Variants in PIP5K1C observed in about 807,000 individuals in gnomAD.
PIP5K1C encodes phosphatidylinositol 4-phosphate 5-kinase type-1 gamma.
Under a neutral mutation model 80.1 loss-of-function variants are expected in PIP5K1C, and 45 were observed. The observed-to-expected ratio is 0.56, with a 90% CI of 0.44 to 0.72. The LOEUF (loss-of-function observed/expected upper bound fraction) is 0.72. Among genes scored for constraint, PIP5K1C ranks in the 30% least tolerant of loss-of-function variants. The pLI, the probability that PIP5K1C is intolerant of heterozygous loss-of-function variation, is 0.00. For synonymous variants in PIP5K1C, 498 were observed against 420.1 expected, an observed-to-expected ratio of 1.19 and a Z score of -2.27; for missense variants, 753 against 954.6, an observed-to-expected ratio of 0.79 and a Z score of 2.78.
rs1599972034 is a variant in PIP5K1C at position 3,653,668 on chromosome 19, CAG to C, written c.622-81_622-80del. ...GGGCGGGCAAAGCAGGCCTCTGCCTCAGGGGGCTCATGGATGCCCCTGGCCAG... is the reference window on the plus strand; with the variant it reads ...GGGCGGGCAAAGCAGGCCTCTGCCTCGGGGCTCATGGATGCCCCTGGCCAG... On this transcript the variant is annotated intron_variant, in intron 6 of 17. Transcript: ENST00000335312. 2.9e-6 allele frequency: 4 copies of C among 1,359,132 alleles called. No individual in the cohort carries two copies. In the African/African-American group the frequency reaches 4.3e-5, roughly 15 times the overall value. 84.2% of individuals were successfully genotyped at this position (1,359,132 alleles called of 1,614,324 possible). A position where few individuals can be genotyped will look rare whatever the true frequency, so the allele number is the denominator to read the frequency against.
chr19:3,687,102 A>T (rs1264471201), intron 1 of PIP5K1C, among the ~76,000 whole-genome samples: 1 of 152,168 alleles, frequency 6.6e-6, no homozygotes, highest in Non-Finnish European at 1.5e-5. Flanking sequence ...CTGAAGAAGA[A>T]GATTGGCTTG....
rs1300629422 is a variant in PIP5K1C at position 3,646,098 on chromosome 19, G to A, written c.1261-40C>T. The A allele has an allele frequency of 5.4e-6, 7 of 1,306,686 alleles. No individual in the cohort carries two copies. In the South Asian group the frequency reaches 7.1e-5, roughly 13 times the overall value. 80.9% of individuals were successfully genotyped at this position (1,306,686 alleles called of 1,614,324 possible). A position where few individuals can be genotyped will look rare whatever the true frequency, so the allele number is the denominator to read the frequency against. ...GGGGGGGTGCCCGGGGGCAGAGGGT[G>A]CATCAATCAACAGCTGGGGACAGCC... On this transcript the variant is annotated intron_variant, in intron 10 of 17. Coordinates refer to ENST00000335312, the MANE Select transcript of PIP5K1C (RefSeq NM_012398.3).
chr19:3,647,458 A>G (rs1026299143), intron 9 of PIP5K1C, 72 bp from the exon 10 acceptor site: 1 of 1,274,884 alleles, frequency 7.8e-7, no homozygotes, highest in Admixed American at 2.0e-5. Context: ...CTCAGGGGCC[A>G]CTGTGCACCC....
At chr19:3,685,266 T>C (rs1373254510) in intron 1 of PIP5K1C, among the ~76,000 whole-genome samples, 4 of 152,202 alleles carry the variant, frequency 2.6e-5, no homozygotes, top group African/African-American at 9.6e-5. Flanking sequence ...ATTTCTAATG[T>C]GTGTGCCCTT....
Position 3,648,759 on chromosome 19 carries a change from G to GGGGCAGGCGGGGCTGGGGACTCC in PIP5K1C, c.1128-74_1128-52dup, listed in dbSNP as rs1207678759. ...TCAGCATCCCGCAGAGCTGGGACTC[G>GGGGCAGGCGGGGCTGGGGACTCC]GGGCAGGCGGGGCTGGGGACTCCAG... On this transcript the variant is annotated intron_variant, in intron 8 of 17. Coordinates refer to ENST00000335312, the MANE Select transcript of PIP5K1C (RefSeq NM_012398.3). The surrounding 1 kb of genome is among the most constrained non-coding windows in gnomAD (Gnocchi z 4.3). 5 of 1,500,338 alleles carry GGGGCAGGCGGGGCTGGGGACTCC rather than the reference G, an allele frequency of 3.3e-6. No homozygotes were observed. In the African/African-American group the frequency reaches 6.9e-5, roughly 21 times the overall value. The allele number at this position is 1,500,338 out of a possible 1,614,324, so 92.9% of individuals were successfully genotyped here.
intron 1 of PIP5K1C, 30 bp downstream of exon 1, chr19:3,700,267 G>T: frequency 8.5e-7 from 1 of 1,179,704 alleles, no homozygotes; most frequent in Non-Finnish European, 1.1e-6. Flanking sequence ...GAGCCCAGCG[G>T]GCCGCAGCCC....
Position 3,653,379 on chromosome 19 carries a change from G to A in PIP5K1C, c.832C>T (p.Leu278=). 1 of 1,612,778 alleles carries A rather than the reference G, an allele frequency of 6.2e-7. No individual in the cohort carries two copies. The highest frequency in any genetic ancestry group is 1.6e-4 in the Middle Eastern group (1 of 6,062). Residue 278 remains leucine (L), a synonymous_variant, in exon 7 of 18, where the codon CTG becomes TTG. Transcript: ENST00000335312. The part of the protein sequence containing the change: ...KEKSFPTYKD[L]DFMQDMPEGL... ...TCGGGCATGTCCTGCATGAAGTCCA[G>A]GTCCTTGTAGGTGGGGAAGCTCTTC... is the stretch of plus-strand genomic sequence containing the variant.
rs138081265 is a variant in PIP5K1C, at chr19:3,637,462, C to T, written c.1920+1422G>A. Reference sequence around the variant, plus strand: ...TGACGTCAGACACTGAGCTTCCGGCCGGGGACCTGCGGCTCCCTGCTGCCC... The same window carrying T: ...TGACGTCAGACACTGAGCTTCCGGCTGGGGACCTGCGGCTCCCTGCTGCCC... On this transcript the variant is annotated intron_variant, in intron 16 of 17. Transcript: ENST00000335312. This position sits in a 1 kb window ranked among gnomAD's most constrained non-coding sequence, Gnocchi z 7.0. 29 of 1,535,556 alleles carry T rather than the reference C, an allele frequency of 1.9e-5. No homozygotes were observed. The highest frequency in any genetic ancestry group is 1.7e-4 in the Middle Eastern group (1 of 6,012).
intron 1 of PIP5K1C, among the ~76,000 whole-genome samples, chr19:3,685,431 C>G (rs2035728602): frequency 6.6e-6 from 1 of 152,144 alleles, no homozygotes; most frequent in Admixed American, 6.6e-5. Context: ...ACACAGCCCA[C>G]TAAAGAAAGT....
In PIP5K1C at chr19:3,648,270, G is replaced by A. The variant is rs776538329; in HGVS notation, c.1211+355C>T. Among the ~76,000 whole-genome samples, 16 of 152,140 alleles carry A rather than the reference G, an allele frequency of 1.1e-4. No homozygotes were observed. Among genetic ancestry groups the A allele is most frequent in the African/African-American group, 3.4e-4 (14 of 41,420 alleles). Reference sequence around the variant, plus strand: ...ACTCCTGGGCTCAAGCAATCCTCCCGCCTCGGCCTCCCACAGTGCTAGATT... The same window carrying A: ...ACTCCTGGGCTCAAGCAATCCTCCCACCTCGGCCTCCCACAGTGCTAGATT... On this transcript the variant is annotated intron_variant, in intron 9 of 17. Coordinates refer to ENST00000335312, the MANE Select transcript of PIP5K1C (RefSeq NM_012398.3). The surrounding 1 kb of genome is among the most constrained non-coding windows in gnomAD (Gnocchi z 4.3).
intron 1 of PIP5K1C, among the ~76,000 whole-genome samples, chr19:3,678,915 T>C (rs1264056081): frequency 4.3e-5 from 3 of 69,710 alleles, no homozygotes; most frequent in Non-Finnish European, 8.4e-5. Context: ...GAGGAAGGGA[T>C]GGAGGGATGG....
intron 1 of PIP5K1C, among the ~76,000 whole-genome samples, chr19:3,680,542 T>C (rs1433023097): frequency 6.6e-6 from 1 of 152,208 alleles, no homozygotes; most frequent in Non-Finnish European, 1.5e-5. Context: ...CCTCAGGTGA[T>C]CCACTCACTT....
intron 7 of PIP5K1C, 119 bp downstream of exon 7, chr19:3,653,171 G>A: frequency 2.3e-6 from 2 of 851,358 alleles, no homozygotes; most frequent in South Asian, 3.1e-5. Flanking sequence ...GCCTGCTGTA[G>A]GCTGCAGGGC....
In PIP5K1C at chr19:3,637,320, C is replaced by A; in HGVS notation, c.1920+1564G>T. The stretch of plus-strand genomic sequence containing the variant: ...GTGCTGCCCTATGGAGCGCCCGGTT[C>A]GACGTGGGACCGAATGACATTCCCA... On this transcript the variant is annotated intron_variant, in intron 16 of 17. Coordinates refer to ENST00000335312, the MANE Select transcript of PIP5K1C (RefSeq NM_012398.3). The surrounding 1 kb of genome is among the most constrained non-coding windows in gnomAD (Gnocchi z 7.0). 1 of 1,526,268 alleles carries A rather than the reference C, an allele frequency of 6.6e-7. No homozygotes were observed. Among genetic ancestry groups the A allele is most frequent in the East Asian group, 2.4e-5 (1 of 40,842 alleles). 94.5% of individuals were successfully genotyped at this position (1,526,268 alleles called of 1,614,324 possible). A position where few individuals can be genotyped will look rare whatever the true frequency, so the allele number is the denominator to read the frequency against.
rs147966639 is a variant in PIP5K1C at position 3,657,385 on chromosome 19, T to G, written c.469-828A>C. Among the ~76,000 whole-genome samples the G allele has an allele frequency of 4.3e-4, 65 of 152,186 alleles. 1 individual carries two copies. In the East Asian group the frequency reaches 0.013, roughly 29 times the overall value. ...TCTTCCGGGTATGGAACCAATGAAG[T>G]GTGCATGGGGCTAAGGCCATCTGTG... On this transcript the variant is annotated intron_variant, in intron 5 of 17. Coordinates refer to ENST00000335312, the MANE Select transcript of PIP5K1C (RefSeq NM_012398.3).
chr19:3,679,965 T>C (rs1418489767), intron 1 of PIP5K1C, among the ~76,000 whole-genome samples: 1 of 152,214 alleles, frequency 6.6e-6, no homozygotes, highest in Non-Finnish European at 1.5e-5. Context: ...GCCCGGGCTA[T>C]GGTGGGGTTT....
chr19:3,655,820 C>T (rs544463791), intron 6 of PIP5K1C, among the ~76,000 whole-genome samples: 60 of 152,322 alleles, frequency 3.9e-4, no homozygotes, highest in African/African-American at 1.4e-3. Context: ...CTCGTCTGGG[C>T]GAGTACCGGA....
chr19:3,635,286 C>T (rs1477817386), intron 16 of PIP5K1C, among the ~76,000 whole-genome samples: 1 of 152,250 alleles, frequency 6.6e-6, no homozygotes, highest in Non-Finnish European at 1.5e-5. Flanking sequence ...GGAGCTCACG[C>T]CTGTCATCCC....
Position 3,688,042 on chromosome 19 carries a change from G to A in PIP5K1C, c.94+12255C>T, listed in dbSNP as rs548686906. ...CCAGCCCGCAGGTGGCGGGGCCGAC[G>A]GGATGGGTCAGGGTGCACAGAGCAC... On this transcript the variant is annotated intron_variant, in intron 1 of 17. Transcript: ENST00000335312. The surrounding 1 kb of genome is among the most constrained non-coding windows in gnomAD (Gnocchi z 5.3). 1.0e-3 allele frequency among the ~76,000 whole-genome samples: 156 copies of A among 152,284 alleles called. No individual in the cohort carries two copies. Among genetic ancestry groups the A allele is most frequent in the African/African-American group, 3.5e-3 (147 of 41,570 alleles).
Sources: allele counts gnomAD v4.1 joint callset (sites outside exome capture counted in the v4.1 genomes callset), GRCh38; gene constraint gnomAD v4.1.1; non-coding constraint Gnocchi (gnomAD v3.1); transcripts MANE v1.5; gene names NCBI Gene and HGNC (gene_info 2026-07-23, HGNC 2026-07-21).